The following ANO3 variants were observed in gnomAD, a reference collection of about 807,000 sequenced individuals.
The protein encoded by ANO3 is anoctamin 3.
A neutral mutation model predicts 144.8 loss-of-function variants in ANO3; 99 were observed. That is an observed-to-expected ratio of 0.68 (90% CI 0.58 to 0.81). The LOEUF is 0.81. Among genes scored for constraint, ANO3 ranks in the 30% least tolerant of loss-of-function variants. The probability of loss-of-function intolerance (pLI) is 0.00; values close to 1 mark genes in which losing one functional copy is unlikely to be tolerated. For synonymous variants in ANO3, 414 were observed against 392.6 expected, an observed-to-expected ratio of 1.05 and a Z score of -0.64; for missense variants, 905 against 1,202.2, an observed-to-expected ratio of 0.75 and a Z score of 3.66.
chr11:26,396,245 T>C (rs946868704), intron 1 of ANO3, among the ~76,000 whole-genome samples: 1 of 152,108 alleles, frequency 6.6e-6, no homozygotes, highest in African/African-American at 2.4e-5. Context: ...TGAAATACCA[T>C]CTCATGCCAG....
intron 26 of ANO3, among the ~76,000 whole-genome samples, chr11:26,657,323 G>A (rs7114361): frequency 0.17 from 25,328 of 151,878 alleles, 2,246 homozygotes; most frequent in South Asian, 0.23. Flanking sequence ...GGGTATCATC[G>A]AGGACTGAAA....
chr11:26,189,339 A>ACC (rs1851432416), intron 1 of ANO3: 2 of 984,794 alleles, frequency 2.0e-6, no homozygotes, highest in African/African-American at 3.5e-5. Context: ...TGGTAAGCTA[A>ACC]CCTTTAGATT....
At position 26,599,637 on chromosome 11, in the gene ANO3, A is replaced by G; in HGVS notation, c.1759A>G (p.Ile587Val). 3 of 1,614,158 alleles carry G rather than the reference A, an allele frequency of 1.9e-6. No individual in the cohort carries two copies. Among genetic ancestry groups the G allele is most frequent in the Middle Eastern group, 1.6e-4 (1 of 6,062 alleles). ...GTTTGCATCATTCAAGTGGAATTTC[A>G]TCAAACAATACTGGCAGTTTGCAAC... ...EQFASFKWNF[I>V]KQYWQFATSA... is the part of the protein sequence containing the mutation. The change falls in exon 17 of 27, where the codon ATC becomes GTC. Residue 587 changes from isoleucine (I) to valine (V), a missense_variant. By Grantham distance (29) the Ile-to-Val change is conservative. Around this residue, in one of 4 missense-constraint regions of ANO3, gnomAD observed 597 missense variants for 865.1 expected, o/e 0.69. Transcript: ENST00000256737.
At chr11:26,314,179 T>G (rs1854569771) in intron 1 of ANO3, among the ~76,000 whole-genome samples, 1 of 152,174 alleles carries the variant, frequency 6.6e-6, no homozygotes, top group Non-Finnish European at 1.5e-5. Context: ...TTTTCCGTCT[T>G]ATAAGACAGC....
In ANO3 at chr11:26,561,062, G is replaced by C. The variant is rs139638065; in HGVS notation, c.1447+1283G>C. ...GCTGTTTAACGCCTTTTTGCTGTTA[G>C]TTCTATACAGAAGTACGAAGTGGAG... On this transcript the variant is annotated intron_variant, in intron 14 of 26. Coordinates refer to ENST00000256737, the MANE Select transcript of ANO3 (RefSeq NM_031418.4). 12 of 1,607,130 alleles carry C rather than the reference G, an allele frequency of 7.5e-6. No homozygotes were observed. In the African/African-American group the frequency reaches 1.1e-4, roughly 14 times the overall value.
chr11:26,255,159 G>C (rs921547886), intron 1 of ANO3, among the ~76,000 whole-genome samples: 1 of 152,164 alleles, frequency 6.6e-6, no homozygotes, highest in Non-Finnish European at 1.5e-5. Flanking sequence ...TAGGAAAGTC[G>C]CTGGAGTATT....
At chr11:26,371,441 A>G (rs985566894) in intron 1 of ANO3, among the ~76,000 whole-genome samples, 1 of 152,224 alleles carries the variant, frequency 6.6e-6, no homozygotes, top group African/African-American at 2.4e-5. Flanking sequence ...GTAGGCTTGA[A>G]GCCCCCACAC....
At chr11:26,509,195 A>T (rs774215955) in intron 5 of ANO3, among the ~76,000 whole-genome samples, 7 of 151,952 alleles carry the variant, frequency 4.6e-5, no homozygotes, top group Non-Finnish European at 1.0e-4. Context: ...TTTAGAACCA[A>T]CTCAGCTTTT....
intron 3 of ANO3, among the ~76,000 whole-genome samples, chr11:26,460,836 A>AT (rs890620475): frequency 5.9e-5 from 9 of 152,114 alleles, no homozygotes; most frequent in Admixed American, 5.2e-4. Context: ...GTAAATTGTC[A>AT]TTTTATCTTT....
At chr11:26,349,844 G>A (rs992735134) in intron 1 of ANO3, among the ~76,000 whole-genome samples, 2 of 152,114 alleles carry the variant, frequency 1.3e-5, no homozygotes, top group Non-Finnish European at 2.9e-5. Flanking sequence ...TACCACGCCC[G>A]GCCGAGAATT....
At chr11:26,607,838 C>T (rs181578064) in intron 17 of ANO3, among the ~76,000 whole-genome samples, 4 of 152,296 alleles carry the variant, frequency 2.6e-5, no homozygotes, top group African/African-American at 9.6e-5. Flanking sequence ...CCTCCTCTAA[C>T]CTTTTACCAA....
intron 3 of ANO3, among the ~76,000 whole-genome samples, chr11:26,459,253 G>A (rs117984573): frequency 0.044 from 6,658 of 152,142 alleles, 207 homozygotes; most frequent in Middle Eastern, 0.068. Context: ...ACCTGGAGAT[G>A]CAGAATTATT....
At chr11:26,587,749 G>A (rs1359778367) in intron 14 of ANO3, among the ~76,000 whole-genome samples, 1 of 152,068 alleles carries the variant, frequency 6.6e-6, no homozygotes, top group Non-Finnish European at 1.5e-5. Context: ...CTGAGCTCAG[G>A]AGTTCAAAAC....
intron 1 of ANO3, among the ~76,000 whole-genome samples, chr11:26,218,051 G>T (rs1402781849): frequency 1.3e-5 from 2 of 152,076 alleles, no homozygotes; most frequent in Non-Finnish European, 1.5e-5. Flanking sequence ...CTCCTACCAG[G>T]AAAATCATAA....
chr11:26,504,015 G>A (rs117360900), intron 4 of ANO3, among the ~76,000 whole-genome samples: 2,296 of 152,160 alleles, frequency 0.015, 25 homozygotes, highest in Non-Finnish European at 0.025. Context: ...AGTTGATTCC[G>A]TTTACCGCAC....
intron 9 of ANO3, among the ~76,000 whole-genome samples, chr11:26,537,164 G>A (rs1296605056): frequency 6.6e-6 from 1 of 151,998 alleles, no homozygotes; most frequent in African/African-American, 2.4e-5. Context: ...TTATGATATG[G>A]TAAAGTAAAA....
At position 26,656,568 on chromosome 11, in the gene ANO3, G is replaced by C. The variant is rs182814699; in HGVS notation, c.2763+87G>C. The C allele has an allele frequency of 4.6e-6, 4 of 873,286 alleles. No homozygotes were observed. The Admixed American group carries it at 8.0e-5, about 18-fold the overall frequency. The allele number at this position is 873,286 out of a possible 1,614,324, so 54.1% of individuals were successfully genotyped here. A position where few individuals can be genotyped will look rare whatever the true frequency, so the allele number is the denominator to read the frequency against. ...TTGCCTCTTTGAAATCAGTTCCTCAGACTTCCATAAAAACACTTAAGTAGG... is the reference window on the plus strand; with the variant it reads ...TTGCCTCTTTGAAATCAGTTCCTCACACTTCCATAAAAACACTTAAGTAGG... On this transcript the variant is annotated intron_variant, in intron 26 of 26. Coordinates refer to ENST00000256737, the MANE Select transcript of ANO3 (RefSeq NM_031418.4).
At chr11:26,579,922 T>G (rs1851085596) in intron 14 of ANO3, among the ~76,000 whole-genome samples, 2 of 151,824 alleles carry the variant, frequency 1.3e-5, no homozygotes, top group Admixed American at 6.6e-5. Flanking sequence ...TGAGTAGACA[T>G]GTGTAGAATA....
At chr11:26,560,936 CCTG>C (rs1206364768) in intron 14 of ANO3, 2 of 909,456 alleles carry the variant, frequency 2.2e-6, no homozygotes, top group African/African-American at 3.5e-5. Context: ...CTACTGGTCT[CCTG>C]CTTTTATGAT....
Sources: gnomAD v4.1 joint callset for allele counts (sites outside exome capture counted in the v4.1 genomes callset) on GRCh38, gnomAD v4.1.1 for gene constraint, gnomAD v4.1.1 regional missense constraint, MANE v1.5 for transcripts, NCBI Gene and HGNC (gene_info 2026-07-23, HGNC 2026-07-21) for gene names.